The following UQCRC2 variants were observed in gnomAD, a reference collection of about 807,000 sequenced individuals.
UQCRC2 encodes ubiquinol-cytochrome c reductase core protein 2, also known as cytochrome b-c1 complex subunit 2, mitochondrial.
A neutral mutation model predicts 55.6 loss-of-function variants in UQCRC2; 49 were observed. That is an observed-to-expected ratio of 0.88 (90% confidence interval 0.70 to 1.12). UQCRC2 has a LOEUF of 1.12. Ranked by LOEUF, UQCRC2 falls within the 50% of genes most tolerant of loss-of-function variation. The pLI is 0.00. For missense variants in UQCRC2, 506 were observed against 547.8 expected (o/e 0.92, Z 0.76); for synonymous variants, 193 against 192.0 (o/e 1.01, Z -0.04).
At chr16:21,961,668 A>ATT (rs1421950793) in intron 4 of UQCRC2, among the ~76,000 whole-genome samples, 2 of 116,046 alleles carry the variant, frequency 1.7e-5, no homozygotes, top group Non-Finnish European at 1.7e-5. Flanking sequence ...ATATATATAT[A>ATT]TTTTAGACAG....
At chr16:21,972,776 A>G (rs1775662302) in intron 10 of UQCRC2, among the ~76,000 whole-genome samples, 1 of 152,134 alleles carries the variant, frequency 6.6e-6, no homozygotes, top group Non-Finnish European at 1.5e-5. Flanking sequence ...TTTAGAGTAT[A>G]AATAGGATGG....
rs772053496 is a variant in UQCRC2 at position 21,971,637 on chromosome 16, A to G, written c.766+17A>G. The G allele has an allele frequency of 1.3e-5, 21 of 1,609,564 alleles. No homozygotes were observed. The highest frequency in any genetic ancestry group is 3.4e-5 in the Admixed American group (2 of 59,564). ...ACCGTGGAGGTAAGCATTTCATTCT[A>G]TTAGGGTTAATTTATCAGAAGGGCG... On this transcript the variant is annotated intron_variant, in intron 9 of 13. Coordinates refer to ENST00000268379, the MANE Select transcript of UQCRC2 (RefSeq NM_003366.4).
At chr16:21,965,194 C>A (rs1385363705) in intron 6 of UQCRC2, among the ~76,000 whole-genome samples, 1 of 152,184 alleles carries the variant, frequency 6.6e-6, no homozygotes, top group South Asian at 2.1e-4. Flanking sequence ...ATAGAAGCTG[C>A]TGCCATGTAA....
rs372865475 is a variant in UQCRC2 at position 21,980,718 on chromosome 16, T to C, written c.1278+18T>C. The C allele has an allele frequency of 1.1e-4, 180 of 1,611,916 alleles. No individual in the cohort carries two copies. The highest frequency in any genetic ancestry group is 1.5e-4 in the Non-Finnish European group (172 of 1,179,120). ...TCATAAATGTAAGTAAATGAAAACT[T>C]AACGATTTAACAACAGAGAACTTAA... is the stretch of plus-strand genomic sequence containing the variant. On this transcript the variant is annotated intron_variant, in intron 13 of 13. Coordinates refer to ENST00000268379, the MANE Select transcript of UQCRC2 (RefSeq NM_003366.4).
chr16:21,979,425 T>C (rs1898661956), intron 12 of UQCRC2, among the ~76,000 whole-genome samples: 2 of 152,200 alleles, frequency 1.3e-5, no homozygotes, highest in African/African-American at 4.8e-5. Context: ...TGAACCTCAG[T>C]GTTCAGACAA....
At chr16:21,974,795 A>G (rs916608833) in intron 11 of UQCRC2, among the ~76,000 whole-genome samples, 1 of 152,212 alleles carries the variant, frequency 6.6e-6, no homozygotes, top group African/African-American at 2.4e-5. Context: ...TGAGAAAGGA[A>G]TACTTGGGAT....
intron 8 of UQCRC2, among the ~76,000 whole-genome samples, chr16:21,970,035 C>T (rs1898421619): frequency 6.6e-6 from 1 of 152,054 alleles, no homozygotes; most frequent in East Asian, 1.9e-4. Context: ...TTTGACTATT[C>T]TGGACATTTC....
chr16:21,961,395 C>A, intron 4 of UQCRC2: 1 of 402,962 alleles, frequency 2.5e-6, no homozygotes, highest in Non-Finnish European at 5.1e-6. Context: ...TGAACTAGAT[C>A]CATACGTCAA....
chr16:21,979,997 G>A (rs1278467660), intron 12 of UQCRC2, among the ~76,000 whole-genome samples: 1 of 152,198 alleles, frequency 6.6e-6, no homozygotes, highest in East Asian at 1.9e-4. Context: ...CTTTTGCCCA[G>A]CTGCAGGCTA....
chr16:21,958,637 A>G, intron 4 of UQCRC2, 38 bp downstream of exon 4: 3 of 1,563,182 alleles, frequency 1.9e-6, no homozygotes, highest in Non-Finnish European at 2.6e-6. Context: ...TGAAAATGCC[A>G]GAAAATATTC....
At chr16:21,955,422 C>T (rs1406774331) in intron 1 of UQCRC2, among the ~76,000 whole-genome samples, 1 of 152,144 alleles carries the variant, frequency 6.6e-6, no homozygotes, top group African/African-American at 2.4e-5. Context: ...CAGGGATGTC[C>T]GGGAAACTCC....
At chr16:21,980,745 C>A (rs1452967060) in intron 13 of UQCRC2, 45 bp downstream of exon 13, 1 of 1,602,194 alleles carries the variant, frequency 6.2e-7, no homozygotes, top group African/African-American at 1.3e-5. Context: ...AGAACTTAAC[C>A]TTAATGATCC....
chr16:21,968,570 T>G, intron 7 of UQCRC2, 58 bp from the exon 8 acceptor site: 1 of 1,476,372 alleles, frequency 6.8e-7, no homozygotes, highest in South Asian at 1.3e-5. Context: ...CTTTTATGTT[T>G]TTACAGCTTT....
rs546513901 is a variant in UQCRC2, at chr16:21,983,255, T to A, written c.*84T>A. The A allele has an allele frequency of 1.0e-4, 129 of 1,246,538 alleles. No individual in the cohort carries two copies. Among genetic ancestry groups the A allele is most frequent in the Middle Eastern group, 3.8e-4 (2 of 5,196 alleles). 77.2% of individuals were successfully genotyped at this position (1,246,538 alleles called of 1,614,324 possible). A position where few individuals can be genotyped will look rare whatever the true frequency, so the allele number is the denominator to read the frequency against. On this transcript the variant is annotated 3_prime_UTR_variant, in exon 14 of 14. Coordinates refer to ENST00000268379, the MANE Select transcript of UQCRC2 (RefSeq NM_003366.4). ...ACATGAAAGTCAGAAGTCTCTAATA[T>A]ATCATTTGTCTTTTTTCCAGTGAGG...
chr16:21,954,287 A>G (rs928473960), intron 1 of UQCRC2, among the ~76,000 whole-genome samples: 1 of 152,302 alleles, frequency 6.6e-6, no homozygotes, highest in African/African-American at 2.4e-5. Context: ...GCCTTACAGC[A>G]AAGAATTATC....
At chr16:21,958,438 C>T (rs528083886) in intron 3 of UQCRC2, 97 bp from the exon 4 acceptor site, 2 of 1,079,460 alleles carry the variant, frequency 1.9e-6, no homozygotes, top group African/African-American at 1.6e-5. Flanking sequence ...TAGTAAAATT[C>T]TTTTTAAATC....
chr16:21,955,095 A>G (rs2141924408), intron 1 of UQCRC2, among the ~76,000 whole-genome samples: 1 of 151,324 alleles, frequency 6.6e-6, no homozygotes, highest in Admixed American at 6.6e-5. Context: ...AAGAGTTACT[A>G]TTTGGGCACA....
intron 11 of UQCRC2, 109 bp downstream of exon 11, chr16:21,974,085 T>C (rs1224208319): frequency 3.2e-6 from 3 of 946,624 alleles, no homozygotes; most frequent in Non-Finnish European, 4.8e-6. Context: ...TGCAATGACT[T>C]ATCAGAGCTC....
At chr16:21,976,997 A>T (rs1379151465) in intron 12 of UQCRC2, 2 of 150,126 alleles carry the variant, frequency 1.3e-5, no homozygotes, top group Non-Finnish European at 3.0e-5. Context: ...TTCCCAACTA[A>T]GTTAAGAGTT....
Sources: allele counts gnomAD v4.1 joint callset (sites outside exome capture counted in the v4.1 genomes callset), GRCh38; gene constraint gnomAD v4.1.1; transcripts MANE v1.5; gene names NCBI Gene and HGNC (gene_info 2026-07-23, HGNC 2026-07-21).